SLC25A43: variants seen among roughly 807,000 people sequenced by gnomAD.
SLC25A43 encodes the protein solute carrier family 25, member 43.
Under a neutral mutation model 22.8 loss-of-function variants are expected in SLC25A43, and 10 were observed. That is an observed-to-expected ratio of 0.44 (90% confidence interval 0.27 to 0.74). SLC25A43 has a LOEUF of 0.74. Ranked by LOEUF, SLC25A43 falls within the 30% of genes least tolerant of loss-of-function variation. The pLI is 0.17. For missense variants in SLC25A43, 233 were observed against 279.1 expected (o/e 0.83, Z 1.18); for synonymous variants, 106 against 121.6 (o/e 0.87, Z 0.84).
chrX:119,426,599 G>C (rs2052506924), intron 3 of SLC25A43, among the ~76,000 whole-genome samples: 1 of 111,233 alleles, frequency 9.0e-6, no homozygotes, highest in African/African-American at 3.3e-5. Context: ...GAGGTGGGTG[G>C]ATCACTTGAG....
At position 119,399,428 on chromosome X, in the gene SLC25A43, C is replaced by A. The variant is rs1223717554; in HGVS notation, c.25C>A (p.Arg9=). 3 of 1,025,109 alleles carry A rather than the reference C, an allele frequency of 2.9e-6. No individual in the cohort carries two copies. Among genetic ancestry groups the A allele is most frequent in the Non-Finnish European group, 3.7e-6 (3 of 805,809 alleles). The allele number at this position is 1,025,109 out of a possible 1,213,427, so 84.5% of individuals were successfully genotyped here. ...GATGGCTACGTGGAGGCGGGACGGC[C>A]GACTGACAGGCGGCCAAAGGCTGCT... The part of the protein sequence containing the change: MATWRRDG[R]LTGGQRLLCA... The change falls in exon 1 of 5, where the codon CGA becomes AGA. Residue 9 remains arginine, a synonymous_variant. Coordinates refer to ENST00000217909, the MANE Select transcript of SLC25A43 (RefSeq NM_145305.3).
At chrX:119,417,146 G>A (rs997072297) in intron 3 of SLC25A43, among the ~76,000 whole-genome samples, 3 of 110,514 alleles carry the variant, frequency 2.7e-5, no homozygotes, top group African/African-American at 6.6e-5. Context: ...GGCCAGGTGC[G>A]GTGGCTCACA....
chrX:119,444,037 G>A (rs2052645506), intron 3 of SLC25A43, among the ~76,000 whole-genome samples: 1 of 111,472 alleles, frequency 9.0e-6, no homozygotes, highest in Non-Finnish European at 1.9e-5. Flanking sequence ...TTACAGGCAT[G>A]AGCCACTGCA....
At chrX:119,427,633 T>C (rs2052519408) in intron 3 of SLC25A43, among the ~76,000 whole-genome samples, 1 of 111,736 alleles carries the variant, frequency 8.9e-6, no homozygotes, top group Non-Finnish European at 1.9e-5. Context: ...GATTATTGGA[T>C]ATTTGCCAAA....
Position 119,399,478 on chromosome X carries a change from C to G in SLC25A43, c.75C>G (p.Leu25=), listed in dbSNP as rs970772514. ...TGTGCGCTGGGCTGGCGGGGACGCT[C>G]AGCCTCAGCCTCACCGCGCCCCTGG... ...RLLCAGLAGT[L]SLSLTAPLEL... is the part of the protein sequence containing the mutation. The change falls in exon 1 of 5, where the codon CTC becomes CTG. Residue 25 remains leucine, a synonymous_variant. Coordinates refer to ENST00000217909, the MANE Select transcript of SLC25A43 (RefSeq NM_145305.3). The G allele has an allele frequency of 4.7e-6, 5 of 1,069,712 alleles. No individual in the cohort carries two copies. The African/African-American group carries it at 9.7e-5, about 21-fold the overall frequency. 88.2% of individuals were successfully genotyped at this position (1,069,712 alleles called of 1,213,427 possible).
At chrX:119,401,386 C>T (rs2052236282) in intron 1 of SLC25A43, among the ~76,000 whole-genome samples, 1 of 111,663 alleles carries the variant, frequency 9.0e-6, no homozygotes, top group Non-Finnish European at 1.9e-5. Context: ...AAGAGTAAGA[C>T]TAATATGTCC....
chrX:119,403,001 A>G (rs940152394), intron 1 of SLC25A43, among the ~76,000 whole-genome samples: 3 of 111,766 alleles, frequency 2.7e-5, no homozygotes, highest in African/African-American at 9.8e-5. Context: ...TTCCTAGTTC[A>G]TCAAGTCATT....
chrX:119,450,494 T>C (rs372658), intron 3 of SLC25A43, among the ~76,000 whole-genome samples: 2 of 110,586 alleles, frequency 1.8e-5, no homozygotes, highest in Non-Finnish European at 3.8e-5. Flanking sequence ...AATAAATAAG[T>C]AAATTATTCC....
chrX:119,429,028 T>G (rs2052532137), intron 3 of SLC25A43, among the ~76,000 whole-genome samples: 1 of 110,805 alleles, frequency 9.0e-6, no homozygotes, highest in Non-Finnish European at 1.9e-5. Flanking sequence ...ATTCCTAGAA[T>G]TTTTGCTTTG....
At position 119,399,384 on chromosome X, in the gene SLC25A43, C is replaced by G; in HGVS notation, c.-20C>G. 2 of 980,082 alleles carry G rather than the reference C, an allele frequency of 2.0e-6. No individual in the cohort carries two copies. The highest frequency in any genetic ancestry group is 2.6e-6 in the Non-Finnish European group (2 of 779,986). The allele number at this position is 980,082 out of a possible 1,213,427, so 80.8% of individuals were successfully genotyped here. On this transcript the variant is annotated 5_prime_UTR_variant, in exon 1 of 5. Transcript: ENST00000217909. Reference sequence around the variant, plus strand: ...CCCAGGCCCGAGCCACGCGGTCTTCCGGGCCCGGGTCGGGGCTCGATGGCT... The same window carrying G: ...CCCAGGCCCGAGCCACGCGGTCTTCGGGGCCCGGGTCGGGGCTCGATGGCT...
At chrX:119,407,646 A>T (rs1164138844) in intron 2 of SLC25A43, among the ~76,000 whole-genome samples, 1 of 110,796 alleles carries the variant, frequency 9.0e-6, no homozygotes, top group Non-Finnish European at 1.9e-5. Flanking sequence ...TTAGCCCCTG[A>T]CTGACACCAA....
chrX:119,448,281 A>T (rs1382904208), intron 3 of SLC25A43, among the ~76,000 whole-genome samples: 1 of 111,344 alleles, frequency 9.0e-6, no homozygotes, highest in Non-Finnish European at 1.9e-5. Flanking sequence ...TCTCCTAACC[A>T]GTCTCCATCC....
intron 3 of SLC25A43, among the ~76,000 whole-genome samples, chrX:119,424,970 G>C (rs2052490367): frequency 8.9e-6 from 1 of 112,198 alleles, no homozygotes; most frequent in Admixed American, 9.4e-5. Context: ...CTAGGAGTCA[G>C]GATTTCAACA....
At chrX:119,411,845 C>T (rs1322002575) in intron 3 of SLC25A43, among the ~76,000 whole-genome samples, 1 of 111,728 alleles carries the variant, frequency 9.0e-6, no homozygotes, top group Non-Finnish European at 1.9e-5. Flanking sequence ...AACAAACCTG[C>T]ACATCCTGCA....
chrX:119,428,341 G>T (rs1174099060), intron 3 of SLC25A43, among the ~76,000 whole-genome samples: 2 of 110,856 alleles, frequency 1.8e-5, no homozygotes, highest in Non-Finnish European at 3.8e-5. Context: ...TGTAATTCTA[G>T]CTACTCAGGA....
At chrX:119,426,174 T>C (rs1300118813) in intron 3 of SLC25A43, 4 of 752,506 alleles carry the variant, frequency 5.3e-6, no homozygotes, top group Non-Finnish European at 4.7e-6. Context: ...ACCTCCTTTT[T>C]TCCACAGAGC....
At chrX:119,415,700 A>G (rs1236218721) in intron 3 of SLC25A43, among the ~76,000 whole-genome samples, 1 of 107,022 alleles carries the variant, frequency 9.3e-6, no homozygotes, top group African/African-American at 3.4e-5. Context: ...GTCTCAAAAA[A>G]AAAAAAAAAT....
intron 4 of SLC25A43, 73 bp from the exon 5 acceptor site, chrX:119,452,792 C>A: frequency 1.2e-6 from 1 of 847,264 alleles, no homozygotes; most frequent in Non-Finnish European, 1.7e-6. Flanking sequence ...TTACCCTGAT[C>A]CAAGTTGACT....
chrX:119,405,987 G>A (rs1188135333), intron 1 of SLC25A43, among the ~76,000 whole-genome samples: 3 of 111,193 alleles, frequency 2.7e-5, no homozygotes, highest in South Asian at 3.8e-4. Context: ...AGCCGAGATC[G>A]TGCCACTGCA....
Sources: allele counts gnomAD v4.1 joint callset (sites outside exome capture counted in the v4.1 genomes callset), GRCh38; gene constraint gnomAD v4.1.1; transcripts MANE v1.5; gene names NCBI Gene and HGNC (gene_info 2026-07-23, HGNC 2026-07-21).